ZNF385D: variants seen among roughly 807,000 people sequenced by gnomAD.
ZNF385D encodes zinc finger protein 659.
ZNF385D carries 15 observed loss-of-function variants against 35.8 expected under a neutral mutation model. The ratio of observed to expected loss-of-function variants is 0.42; its 90% CI spans 0.28 to 0.64. The LOEUF (loss-of-function observed/expected upper bound fraction) is 0.64. Ranked by LOEUF, ZNF385D falls within the 30% of genes least tolerant of loss-of-function variation. The pLI, the probability that ZNF385D is intolerant of heterozygous loss-of-function variation, is 0.23. For missense variants in ZNF385D, 474 were observed against 494.6 expected, an observed-to-expected ratio of 0.96 and a Z score of 0.39; for synonymous variants, 212 against 186.8, an observed-to-expected ratio of 1.13 and a Z score of -1.10.
At chr3:22,151,978 A>G (rs1178980789) in intron 3 of ZNF385D, among the ~76,000 whole-genome samples, 1 of 151,942 alleles carries the variant, frequency 6.6e-6, no homozygotes, top group Non-Finnish European at 1.5e-5. Flanking sequence ...CTCAGTAGTA[A>G]TTTTTTTCTG....
At chr3:21,987,842 A>G (rs1245231781) in intron 3 of ZNF385D, among the ~76,000 whole-genome samples, 8 of 126,822 alleles carry the variant, frequency 6.3e-5, no homozygotes, top group Admixed American at 2.1e-4. Context: ...ACATAGTCCC[A>G]TACTTCTTGG....
intron 3 of ZNF385D, among the ~76,000 whole-genome samples, chr3:21,803,002 C>A (rs1439535181): frequency 6.6e-6 from 1 of 152,156 alleles, no homozygotes; most frequent in African/African-American, 2.4e-5. Context: ...AAGTCTCAGG[C>A]TGATCCTTCA....
At chr3:22,078,065 A>C (rs1700554231) in intron 3 of ZNF385D, among the ~76,000 whole-genome samples, 1 of 151,978 alleles carries the variant, frequency 6.6e-6, no homozygotes, top group Non-Finnish European at 1.5e-5. Flanking sequence ...ATATGCCTGA[A>C]ATTTGTGAGT....
intron 4 of ZNF385D, among the ~76,000 whole-genome samples, chr3:21,439,025 A>G (rs1056455930): frequency 3.9e-5 from 6 of 152,120 alleles, no homozygotes; most frequent in Non-Finnish European, 7.4e-5. Context: ...ACCAGAAATG[A>G]TTGTTTGAAA....
chr3:22,259,954 T>C (rs1392767932), intron 2 of ZNF385D, among the ~76,000 whole-genome samples: 3 of 151,756 alleles, frequency 2.0e-5, no homozygotes, highest in Non-Finnish European at 4.4e-5. Context: ...AAAATGTACA[T>C]AAAAGAGAAA....
intron 3 of ZNF385D, among the ~76,000 whole-genome samples, chr3:21,977,886 A>G (rs535372158): frequency 6.6e-6 from 1 of 152,080 alleles, no homozygotes; most frequent in Non-Finnish European, 1.5e-5. Context: ...AGCTCTGTAC[A>G]TCTTTGGAGA....
chr3:22,310,437 C>A (rs1703476963), intron 2 of ZNF385D, among the ~76,000 whole-genome samples: 1 of 151,920 alleles, frequency 6.6e-6, no homozygotes. Context: ...TATAGATCTA[C>A]TATAATATAT....
intron 3 of ZNF385D, among the ~76,000 whole-genome samples, chr3:22,160,750 C>T (rs993363830): frequency 4.0e-5 from 6 of 151,110 alleles, no homozygotes; most frequent in Non-Finnish European, 8.8e-5. Context: ...TATTTGATAG[C>T]AGTTTCAGCC....
intron 2 of ZNF385D, among the ~76,000 whole-genome samples, chr3:22,182,199 C>T (rs993083629): frequency 6.6e-6 from 1 of 152,072 alleles, no homozygotes; most frequent in African/African-American, 2.4e-5. Context: ...AACTACTATA[C>T]CAATTAACTC....
At chr3:21,824,502 T>A (rs1694475430) in intron 3 of ZNF385D, among the ~76,000 whole-genome samples, 1 of 152,208 alleles carries the variant, frequency 6.6e-6, no homozygotes, top group African/African-American at 2.4e-5. Context: ...TACATTTATG[T>A]ACATATGTCT....
chr3:21,709,484 T>C (rs2068023288), intron 1 of ZNF385D, among the ~76,000 whole-genome samples: 1 of 107,032 alleles, frequency 9.3e-6, no homozygotes, highest in African/African-American at 3.8e-5. Flanking sequence ...GAGGCTTCTA[T>C]GAAAACAAAA....
At chr3:21,935,887 T>C (rs1701233137) in intron 3 of ZNF385D, among the ~76,000 whole-genome samples, 1 of 152,216 alleles carries the variant, frequency 6.6e-6, no homozygotes, top group Admixed American at 6.5e-5. Context: ...TCACATCATG[T>C]AAACAGAGTT....
intron 2 of ZNF385D, among the ~76,000 whole-genome samples, chr3:22,191,438 G>C (rs1358062644): frequency 6.7e-6 from 1 of 149,286 alleles, no homozygotes; most frequent in Non-Finnish European, 1.5e-5. Context: ...AGTGAGCCGA[G>C]ATAGTACCAT....
At chr3:22,336,896 AAC>A (rs1207393681) in intron 2 of ZNF385D, among the ~76,000 whole-genome samples, 1 of 96,108 alleles carries the variant, frequency 1.0e-5, no homozygotes, top group African/African-American at 3.8e-5. Flanking sequence ...CCACTATGCA[AAC>A]AGTGATTTTT....
intron 3 of ZNF385D, among the ~76,000 whole-genome samples, chr3:22,023,777 A>G (rs1005736831): frequency 1.3e-5 from 2 of 152,052 alleles, no homozygotes; most frequent in African/African-American, 4.8e-5. Flanking sequence ...TAAAAGGTGC[A>G]CTTTATTATA....
intron 3 of ZNF385D, among the ~76,000 whole-genome samples, chr3:22,020,498 A>T (rs1410420662): frequency 1.3e-5 from 2 of 152,024 alleles, no homozygotes; most frequent in African/African-American, 2.4e-5. Context: ...AAAAGAAGAC[A>T]TAAAAACGGC....
At chr3:21,807,503 C>A (rs796293800) in intron 3 of ZNF385D, among the ~76,000 whole-genome samples, 9 of 152,042 alleles carry the variant, frequency 5.9e-5, no homozygotes, top group Admixed American at 5.2e-4. Context: ...AAATTAAGAC[C>A]TGGCTTTGGA....
At chr3:21,550,622 GC>G (rs1172709633) in intron 3 of ZNF385D, among the ~76,000 whole-genome samples, 2 of 152,062 alleles carry the variant, frequency 1.3e-5, no homozygotes, top group Admixed American at 1.3e-4. Flanking sequence ...AGCTGGGATT[GC>G]AGGCGCGTGC....
chr3:21,938,221 A>G (rs574834563), intron 3 of ZNF385D, among the ~76,000 whole-genome samples: 3 of 152,314 alleles, frequency 2.0e-5, no homozygotes, highest in African/African-American at 7.2e-5. Context: ...TTTTGACCCT[A>G]TAGTTAACAG....
Sources: allele counts gnomAD v4.1 joint callset (sites outside exome capture counted in the v4.1 genomes callset), GRCh38; gene constraint gnomAD v4.1.1; transcripts MANE v1.5; gene names NCBI Gene and HGNC (gene_info 2026-07-23, HGNC 2026-07-21).